The following AP1G1 variants were observed in gnomAD, a reference collection of about 807,000 sequenced individuals.
AP1G1 encodes adaptor related protein complex 1 subunit gamma 1, also known as AP-1 complex subunit gamma-1.
A neutral mutation model predicts 108.3 loss-of-function variants in AP1G1; 7 were observed. That is an observed-to-expected ratio of 0.06 (90% CI 0.04 to 0.12). AP1G1 has a LOEUF of 0.12. Among genes scored for constraint, AP1G1 ranks in the 10% least tolerant of loss-of-function variants. AP1G1 has a pLI of 1.00. For missense variants in AP1G1, 756 were observed against 1,010.7 expected (o/e 0.75, Z 3.42); for synonymous variants, 379 against 353.5 (o/e 1.07, Z -0.81).
chr16:71,762,124 A>G (rs1029437692), intron 9 of AP1G1, among the ~76,000 whole-genome samples: 1 of 152,270 alleles, frequency 6.6e-6, no homozygotes, highest in South Asian at 2.1e-4. Context: ...CTCCGTTAAT[A>G]GCAAATTTGC....
In AP1G1 at chr16:71,806,788, T is replaced by C. The variant is rs192377345; in HGVS notation, c.-4+1975A>G. ...GGTAATACAGAACTCACGTATCTAATAGTAACTAATATATTTTTGAAAAAT... is the reference window on the plus strand; with the variant it reads ...GGTAATACAGAACTCACGTATCTAACAGTAACTAATATATTTTTGAAAAAT... On this transcript the variant is annotated intron_variant, in intron 1 of 22. Coordinates refer to ENST00000299980, the MANE Select transcript of AP1G1 (RefSeq NM_001128.6). The C allele has an allele frequency of 2.2e-5, 23 of 1,046,386 alleles. No individual in the cohort carries two copies. The African/African-American group carries it at 3.2e-4, about 15-fold the overall frequency. 64.8% of individuals were successfully genotyped at this position (1,046,386 alleles called of 1,614,324 possible).
chr16:71,807,974 T>TTAATCTGCTTCATAAACA, intron 1 of AP1G1: 12 of 1,239,624 alleles, frequency 9.7e-6, no homozygotes, highest in Non-Finnish European at 1.2e-5. Context: ...CAAAAGCCAT[T>TTAATCTGCTTCATAAACA]TAATCTGCTT....
chr16:71,763,498 G>C (rs2031189637), intron 9 of AP1G1, among the ~76,000 whole-genome samples: 1 of 152,010 alleles, frequency 6.6e-6, no homozygotes, highest in South Asian at 2.1e-4. Flanking sequence ...TGCTTAAAAT[G>C]GTTAATTTTA....
At chr16:71,753,087 T>G (rs1017566935) in intron 13 of AP1G1, among the ~76,000 whole-genome samples, 2 of 152,226 alleles carry the variant, frequency 1.3e-5, no homozygotes, top group African/African-American at 4.8e-5. Context: ...ATGGTTAAAT[T>G]TGTGGCTTTT....
intron 4 of AP1G1, 119 bp from the exon 5 acceptor site, chr16:71,771,371 A>G (rs1315624773): frequency 1.5e-5 from 9 of 601,872 alleles, no homozygotes; most frequent in Non-Finnish European, 2.6e-5. Flanking sequence ...TAGAAAAATA[A>G]AGAAGGAAGA....
At chr16:71,764,818 T>A in intron 7 of AP1G1, 92 bp from the exon 8 acceptor site, 3 of 758,986 alleles carry the variant, frequency 4.0e-6, no homozygotes, top group Non-Finnish European at 6.5e-6. Flanking sequence ...AATGAAGTCT[T>A]AGAAATTCAT....
chr16:71,789,686 TACAA>T (rs1196617020), intron 1 of AP1G1, among the ~76,000 whole-genome samples: 4 of 152,180 alleles, frequency 2.6e-5, no homozygotes, highest in Non-Finnish European at 5.9e-5. Context: ...CTGGAAAGGC[TACAA>T]ACAAATATGG....
At chr16:71,777,971 A>G (rs540623643) in intron 2 of AP1G1, 1 of 177,978 alleles carries the variant, frequency 5.6e-6, no homozygotes, top group South Asian at 1.1e-4. Context: ...CAGTCGGGTC[A>G]AGTTTTAAGA....
intron 2 of AP1G1, among the ~76,000 whole-genome samples, chr16:71,779,157 C>T (rs995273251): frequency 6.6e-6 from 1 of 152,102 alleles, no homozygotes; most frequent in African/African-American, 2.4e-5. Flanking sequence ...AGTTTTCAGC[C>T]CCCTTTGTAA....
At position 71,729,830 on chromosome 16, in the gene AP1G1, A is replaced by G. The variant is rs1473871112; in HGVS notation, c.*3228T>C. On this transcript the variant is annotated 3_prime_UTR_variant, in exon 23 of 23. Transcript: ENST00000299980. Reference sequence around the variant, plus strand: ...GTTTAGGACACTGTGGTTAAAATACATTCACTAGAAAAAAATAGACACATT... The same window carrying G: ...GTTTAGGACACTGTGGTTAAAATACGTTCACTAGAAAAAAATAGACACATT... The G allele has an allele frequency of 2.6e-5, 4 of 152,604 alleles. No homozygotes were observed. Among genetic ancestry groups the G allele is most frequent in the Non-Finnish European group, 4.4e-5 (3 of 68,042 alleles). 9.5% of individuals were successfully genotyped at this position (152,604 alleles called of 1,614,324 possible).
chr16:71,756,232 T>TGCATAC, intron 11 of AP1G1, 73 bp from the exon 12 acceptor site: 1 of 1,381,572 alleles, frequency 7.2e-7, no homozygotes. Context: ...AGGTATGCAC[T>TGCATAC]CTGTGAACAC....
At chr16:71,808,057 C>A in intron 1 of AP1G1, 9 of 1,178,834 alleles carry the variant, frequency 7.6e-6, no homozygotes, top group Non-Finnish European at 8.5e-6. Flanking sequence ...CGAGTCCTAA[C>A]CGGGAAACAC....
At chr16:71,777,644 G>A (rs997062589) in intron 2 of AP1G1, 5 of 458,350 alleles carry the variant, frequency 1.1e-5, no homozygotes, top group South Asian at 4.8e-5. Flanking sequence ...CTAGGGATCC[G>A]GTTCATCCTC....
At chr16:71,794,866 C>CTTTTTTTTTTTTTTTTTTT (rs2032528877) in intron 1 of AP1G1, among the ~76,000 whole-genome samples, 81 of 46,620 alleles carry the variant, frequency 1.7e-3, no homozygotes, top group African/African-American at 2.3e-3. Context: ...TTTTTTTTTA[C>CTTTTTTTTTTTTTTTTTTT]TTTGAAATGC....
chr16:71,750,782 C>T (rs2030451754), intron 13 of AP1G1, among the ~76,000 whole-genome samples: 1 of 152,080 alleles, frequency 6.6e-6, no homozygotes, highest in Non-Finnish European at 1.5e-5. Flanking sequence ...TTCCAATTCT[C>T]AGGTTCATAA....
Position 71,729,487 on chromosome 16 carries a change from C to T in AP1G1, c.*3571G>A, listed in dbSNP as rs1247656937. ...GGCTCCATCTTGAAGCCAGAATCAGCCTCTTGGAAGTCTGTAAAGCAACTG... is the reference window on the plus strand; with the variant it reads ...GGCTCCATCTTGAAGCCAGAATCAGTCTCTTGGAAGTCTGTAAAGCAACTG... On this transcript the variant is annotated 3_prime_UTR_variant, in exon 23 of 23. Transcript: ENST00000299980. 6 of 151,642 alleles carry T rather than the reference C, an allele frequency of 4.0e-5. No individual in the cohort carries two copies. The highest frequency in any genetic ancestry group is 2.4e-5 in the African/African-American group (1 of 41,254). The allele number at this position is 151,642 out of a possible 1,614,324, so 9.4% of individuals were successfully genotyped here.
chr16:71,806,779 C>A, intron 1 of AP1G1: 3 of 1,129,688 alleles, frequency 2.7e-6, no homozygotes, highest in Non-Finnish European at 2.3e-6. Flanking sequence ...ACAGAACTCA[C>A]GTATCTAATA....
intron 12 of AP1G1, among the ~76,000 whole-genome samples, chr16:71,755,754 T>C (rs2030750331): frequency 6.6e-6 from 1 of 152,032 alleles, no homozygotes; most frequent in South Asian, 2.1e-4. Context: ...CAAGTGATTC[T>C]CCTGCCTCAG....
At chr16:71,786,747 C>T (rs954720749) in intron 2 of AP1G1, among the ~76,000 whole-genome samples, 8 of 152,096 alleles carry the variant, frequency 5.3e-5, no homozygotes, top group Admixed American at 6.6e-5. Flanking sequence ...GCGTGAGCCA[C>T]CGCACCCAGC....
Sources: gnomAD v4.1 joint callset for allele counts (sites outside exome capture counted in the v4.1 genomes callset) on GRCh38, gnomAD v4.1.1 for gene constraint, MANE v1.5 for transcripts, NCBI Gene and HGNC (gene_info 2026-07-23, HGNC 2026-07-21) for gene names.